The following SHISA9 variants were observed in gnomAD, a reference collection of about 807,000 sequenced individuals.
SHISA9 encodes protein shisa-9.
A neutral mutation model predicts 38.0 loss-of-function variants in SHISA9; 13 were observed. The observed-to-expected ratio is 0.34, with a 90% CI of 0.22 to 0.54. The LOEUF (loss-of-function observed/expected upper bound fraction) is 0.54. SHISA9 is among the 20% of genes least tolerant of loss of function. The pLI, the probability that SHISA9 is intolerant of heterozygous loss-of-function variation, is 0.91. For synonymous variants in SHISA9, 275 were observed against 242.0 expected (o/e 1.14, Z -1.27); for missense variants, 538 against 575.8 (o/e 0.93, Z 0.67).
At chr16:13,034,612 A>T (rs60312820) in intron 2 of SHISA9, among the ~76,000 whole-genome samples, 21,938 of 151,744 alleles carry the variant, frequency 0.14, 3,721 homozygotes, top group African/African-American at 0.41. Context: ...ACTCTTTTCC[A>T]TGTGACTTTG....
the SHISA9 span, among the ~76,000 whole-genome samples, chr16:13,262,659 A>ATGAAG: frequency 1.3e-5 from 1 of 79,312 alleles, no homozygotes; most frequent in East Asian, 3.1e-4. Context: ...GAAGGAAGGA[A>ATGAAG]GGAAGGAAGG....
chr16:13,505,535 A>C, the SHISA9 span, among the ~76,000 whole-genome samples: 1 of 152,260 alleles, frequency 6.6e-6, no homozygotes, highest in Non-Finnish European at 1.5e-5. Flanking sequence ...GTGAGGACAA[A>C]TAATAGCAAT....
At chr16:13,374,679 C>G in the SHISA9 span, among the ~76,000 whole-genome samples, 7 of 152,074 alleles carry the variant, frequency 4.6e-5, no homozygotes, top group Non-Finnish European at 8.8e-5. Context: ...GGGTATATGC[C>G]TATTAATGGG....
intron 2 of SHISA9, among the ~76,000 whole-genome samples, chr16:12,981,792 A>G (rs963967989): frequency 1.3e-5 from 2 of 152,152 alleles, no homozygotes; most frequent in East Asian, 3.9e-4. Flanking sequence ...CTCTAACCCC[A>G]TATGACTGGT....
chr16:12,941,075 G>C (rs1327745249), intron 2 of SHISA9, among the ~76,000 whole-genome samples: 1 of 152,218 alleles, frequency 6.6e-6, no homozygotes, highest in Non-Finnish European at 1.5e-5. Context: ...TTTTTGGCCA[G>C]GTGCAATGGC....
intron 2 of SHISA9, among the ~76,000 whole-genome samples, chr16:12,971,952 C>T (rs1396037428): frequency 2.6e-5 from 4 of 151,898 alleles, no homozygotes; most frequent in Non-Finnish European, 5.9e-5. Flanking sequence ...AAAAATTTCT[C>T]TTGCATGCTT....
In SHISA9 at chr16:13,004,950, A is replaced by AG. The variant is rs1180994019; in HGVS notation, c.691+88135_691+88136insG. On this transcript the variant is annotated intron_variant, in intron 2 of 4. Coordinates refer to ENST00000558583, the MANE Select transcript of SHISA9 (RefSeq NM_001145204.3). ...TCCATCTCTTAAGAAAAAGAAAAAA[A>AG]AAAAAAAAGAAAAAAAGAAAGAAAG... is the stretch of plus-strand genomic sequence containing the variant. Among the ~76,000 whole-genome samples, 3 of 105,870 alleles carry AG rather than the reference A, an allele frequency of 2.8e-5. 1 individual carries two copies. The East Asian group carries it at 8.1e-4, about 29-fold the overall frequency. 69.5% of individuals were successfully genotyped at this position (105,870 alleles called of 152,430 possible). A position where few individuals can be genotyped will look rare whatever the true frequency, so the allele number is the denominator to read the frequency against.
intron 4 of SHISA9, among the ~76,000 whole-genome samples, chr16:13,214,903 A>G (rs926039289): frequency 3.3e-5 from 5 of 152,124 alleles, no homozygotes; most frequent in African/African-American, 1.2e-4. Context: ...GCAATTCAAG[A>G]TGAGATTTGG....
intron 2 of SHISA9, among the ~76,000 whole-genome samples, chr16:13,193,250 C>T (rs1050871369): frequency 6.6e-6 from 1 of 152,200 alleles, no homozygotes; most frequent in Admixed American, 6.5e-5. Flanking sequence ...GGCACTCAAC[C>T]TCTCTGAGCT....
At chr16:13,120,050 G>T (rs1163978151) in intron 2 of SHISA9, among the ~76,000 whole-genome samples, 1 of 152,178 alleles carries the variant, frequency 6.6e-6, no homozygotes, top group Non-Finnish European at 1.5e-5. Flanking sequence ...TGGGCATGGG[G>T]TGATCAGAGC....
chr16:13,251,027 G>C, the SHISA9 span, among the ~76,000 whole-genome samples: 2 of 152,142 alleles, frequency 1.3e-5, no homozygotes, highest in Non-Finnish European at 2.9e-5. Flanking sequence ...TTACCTAGTA[G>C]TGTAAGGTTT....
At chr16:13,492,347 G>A in the SHISA9 span, among the ~76,000 whole-genome samples, 1 of 152,120 alleles carries the variant, frequency 6.6e-6, no homozygotes, top group African/African-American at 2.4e-5. Flanking sequence ...TGAGGTTAAC[G>A]GTGTTCTTGG....
the SHISA9 span, among the ~76,000 whole-genome samples, chr16:13,322,555 A>AG: frequency 6.6e-6 from 1 of 152,200 alleles, no homozygotes; most frequent in Non-Finnish European, 1.5e-5. Flanking sequence ...TTTGAAGGTT[A>AG]GCAGGGGTGC....
At chr16:13,100,981 C>T (rs1044758751) in intron 2 of SHISA9, among the ~76,000 whole-genome samples, 1 of 152,210 alleles carries the variant, frequency 6.6e-6, no homozygotes, top group Non-Finnish European at 1.5e-5. Context: ...CAGGCTTGAG[C>T]CACTGTGCTC....
At chr16:13,089,243 G>T (rs1275037266) in intron 2 of SHISA9, among the ~76,000 whole-genome samples, 1 of 152,220 alleles carries the variant, frequency 6.6e-6, no homozygotes, top group Non-Finnish European at 1.5e-5. Flanking sequence ...GTTCATCAGG[G>T]ATATTGGTCT....
chr16:13,386,064 C>T, the SHISA9 span, among the ~76,000 whole-genome samples: 16 of 152,066 alleles, frequency 1.1e-4, no homozygotes, highest in Admixed American at 2.6e-4. Flanking sequence ...TGTACTGTGA[C>T]GGTGCCCATG....
chr16:12,975,276 C>T (rs978624766), intron 2 of SHISA9, among the ~76,000 whole-genome samples: 1 of 151,780 alleles, frequency 6.6e-6, no homozygotes, highest in African/African-American at 2.4e-5. Flanking sequence ...CAGTGGCTCA[C>T]GGTGAATCAC....
chr16:13,501,046 T>A, the SHISA9 span, among the ~76,000 whole-genome samples: 1 of 152,158 alleles, frequency 6.6e-6, no homozygotes, highest in Non-Finnish European at 1.5e-5. Context: ...TCATTGACAG[T>A]AGAGAGTGCT....
chr16:13,241,393 C>G (rs532437474), downstream of SHISA9, among the ~76,000 whole-genome samples: 4 of 152,158 alleles, frequency 2.6e-5, no homozygotes, highest in Non-Finnish European at 2.9e-5. Flanking sequence ...GTAATCCCAG[C>G]TACTCAGGAG....
Sources: gnomAD v4.1 joint callset for allele counts (sites outside exome capture counted in the v4.1 genomes callset) on GRCh38, gnomAD v4.1.1 for gene constraint, MANE v1.5 for transcripts, NCBI Gene and HGNC (gene_info 2026-07-23, HGNC 2026-07-21) for gene names.